Variants in DPP6 observed in about 807,000 individuals in gnomAD.
DPP6 encodes the protein A-type potassium channel modulatory protein DPP6.
DPP6 carries 69 observed loss-of-function variants against 122.6 expected under a neutral mutation model. The observed-to-expected ratio is 0.56, with a 90% CI of 0.46 to 0.69. The LOEUF (loss-of-function observed/expected upper bound fraction) is 0.69, where lower values mean the gene tolerates loss of function less well. DPP6 is among the 30% of genes least tolerant of loss of function. DPP6 has a pLI of 0.00. For synonymous variants in DPP6, 418 were observed against 433.1 expected (o/e 0.97, Z 0.43); for missense variants, 928 against 1,116.9 (o/e 0.83, Z 2.41).
intron 1 of DPP6, among the ~76,000 whole-genome samples, chr7:154,405,029 ATG>A (rs3056541): frequency 0.045 from 6,854 of 152,318 alleles, 249 homozygotes; most frequent in East Asian, 0.13. Context: ...CTACATAAAT[ATG>A]TGTGTGTACA....
intron 5 of DPP6, among the ~76,000 whole-genome samples, chr7:154,625,712 C>T (rs1217150677): frequency 6.6e-6 from 1 of 152,208 alleles, no homozygotes; most frequent in Non-Finnish European, 1.5e-5. Context: ...CTGCTGCGGG[C>T]AGGGTGTGTG....
rs536821394 is a variant in DPP6, at chr7:154,614,034, G to A, written c.628-23787G>A. ...GGCCTCTTGAGAGCCACTCTCCAGC[G>A]GCAGCACGGCCAGCCTCTGTGCCTC... is the stretch of plus-strand genomic sequence containing the variant. On this transcript the variant is annotated intron_variant, in intron 5 of 25. Transcript: ENST00000377770. 1.2e-3 allele frequency among the ~76,000 whole-genome samples: 181 copies of A among 152,264 alleles called. 1 individual carries two copies. Among genetic ancestry groups the A allele is most frequent in the Non-Finnish European group, 2.0e-3 (139 of 68,026 alleles).
intron 1 of DPP6, among the ~76,000 whole-genome samples, chr7:154,155,075 T>G (rs1796614246): frequency 6.6e-6 from 1 of 152,118 alleles, no homozygotes; most frequent in Non-Finnish European, 1.5e-5. Flanking sequence ...AGGCAGGGCT[T>G]CGTCCAAGTT....
chr7:153,848,326 C>G, the DPP6 span, among the ~76,000 whole-genome samples: 3 of 144,204 alleles, frequency 2.1e-5, no homozygotes, highest in Non-Finnish European at 4.5e-5. Flanking sequence ...TGATTAAAGG[C>G]CAGGTTCTAA....
chr7:154,693,132 AG>A (rs1840027832), intron 7 of DPP6, among the ~76,000 whole-genome samples: 1 of 151,380 alleles, frequency 6.6e-6, no homozygotes, highest in East Asian at 1.9e-4. Flanking sequence ...CTACTTGACC[AG>A]AGGTCTTTTT....
intron 1 of DPP6, among the ~76,000 whole-genome samples, chr7:153,935,740 C>A (rs1221671631): frequency 3.9e-5 from 6 of 152,230 alleles, no homozygotes; most frequent in African/African-American, 1.4e-4. Context: ...CCCCAATCTG[C>A]AGACTTCCCC....
At chr7:154,186,782 TATTC>T (rs1254632917) in intron 1 of DPP6, among the ~76,000 whole-genome samples, 1 of 152,254 alleles carries the variant, frequency 6.6e-6, no homozygotes, top group Non-Finnish European at 1.5e-5. Context: ...AATTCTGAAT[TATTC>T]ATTCTGTTTT....
chr7:154,704,101 A>G (rs1840689702), intron 7 of DPP6, among the ~76,000 whole-genome samples: 1 of 152,246 alleles, frequency 6.6e-6, no homozygotes, highest in African/African-American at 2.4e-5. Flanking sequence ...CAAAATATCA[A>G]CATTACCAGG....
At chr7:154,154,248 C>A (rs1278966521) in intron 1 of DPP6, among the ~76,000 whole-genome samples, 1 of 152,234 alleles carries the variant, frequency 6.6e-6, no homozygotes, top group African/African-American at 2.4e-5. Context: ...TCACTGAAAT[C>A]GTTTTGAACT....
chr7:154,446,285 C>T lies in DPP6; in HGVS notation c.315C>T (p.Val105=), dbSNP rs1819863033. The T allele has an allele frequency of 1.2e-6, 2 of 1,612,614 alleles. No individual in the cohort carries two copies. The highest frequency in any genetic ancestry group is 8.5e-7 in the Non-Finnish European group (1 of 1,179,180). Residue 105 remains valine (V), a synonymous_variant, in exon 2 of 26, where the codon GTC becomes GTT. Coordinates refer to ENST00000377770, the MANE Select transcript of DPP6 (RefSeq NM_130797.4). ...CAATTGCACTGCTTGTCATTCTGGT[C>T]ATCTGCTCCTTGATCGTCACCTCGG... ...GIAIALLVIL[V]ICSLIVTSVI...
intron 8 of DPP6, among the ~76,000 whole-genome samples, chr7:154,749,537 G>A (rs1242344358): frequency 7.8e-6 from 1 of 127,806 alleles, no homozygotes; most frequent in African/African-American, 3.3e-5. Flanking sequence ...GCATAGGACG[G>A]GAGAGAGAGG....
At chr7:154,442,389 A>G (rs978293697) in intron 1 of DPP6, among the ~76,000 whole-genome samples, 1 of 152,198 alleles carries the variant, frequency 6.6e-6, no homozygotes, top group Non-Finnish European at 1.5e-5. Context: ...GTCCAGGGGG[A>G]AAGAATAATG....
chr7:154,887,751 C>T lies in DPP6; in HGVS notation c.2304+17C>T. 5 of 1,613,394 alleles carry T rather than the reference C, an allele frequency of 3.1e-6. No homozygotes were observed. Among genetic ancestry groups the T allele is most frequent in the Non-Finnish European group, 4.2e-6 (5 of 1,179,366 alleles). On this transcript the variant is annotated intron_variant, in intron 23 of 25. Coordinates refer to ENST00000377770, the MANE Select transcript of DPP6 (RefSeq NM_130797.4). ...GCATACGAGGTGTGTATGGGCACAA[C>T]TAGAGAATGTGATGAGACCAGTCAG...
At chr7:154,191,125 G>A (rs112102642) in intron 1 of DPP6, among the ~76,000 whole-genome samples, 4,827 of 152,250 alleles carry the variant, frequency 0.032, 130 homozygotes, top group African/African-American at 0.066. Flanking sequence ...AGTAATTTGC[G>A]AGGTTGAGAT....
At chr7:154,118,234 C>T (rs1389857787) in intron 1 of DPP6, among the ~76,000 whole-genome samples, 1 of 150,736 alleles carries the variant, frequency 6.6e-6, no homozygotes, top group African/African-American at 2.5e-5. Context: ...TGTAGTCAAG[C>T]AACTGTATAT....
intron 1 of DPP6, among the ~76,000 whole-genome samples, chr7:154,067,921 TGTTTGTTTG>T (rs1802854959): frequency 1.5e-5 from 2 of 135,650 alleles, no homozygotes; most frequent in African/African-American, 7.6e-5. Context: ...TTTTTTTGTT[TGTTTGTTTG>T]TTTGTTTTTT....
At chr7:154,213,625 G>A (rs1799850999) in intron 1 of DPP6, among the ~76,000 whole-genome samples, 1 of 152,208 alleles carries the variant, frequency 6.6e-6, no homozygotes, top group South Asian at 2.1e-4. Flanking sequence ...GCCAGAAGAT[G>A]AGCATTCTGT....
intron 10 of DPP6, among the ~76,000 whole-genome samples, chr7:154,789,727 CAGCAAA>C (rs1159381424): frequency 6.6e-6 from 1 of 152,182 alleles, no homozygotes; most frequent in East Asian, 1.9e-4. Flanking sequence ...TCCCTTCCAG[CAGCAAA>C]AGTGTGACTA....
At chr7:154,709,262 C>T (rs1232662422) in intron 7 of DPP6, among the ~76,000 whole-genome samples, 1 of 152,232 alleles carries the variant, frequency 6.6e-6, no homozygotes, top group Non-Finnish European at 1.5e-5. Context: ...TCACTGCAGT[C>T]TTGACCTGCT....
Sources: allele counts gnomAD v4.1 joint callset (sites outside exome capture counted in the v4.1 genomes callset), GRCh38; gene constraint gnomAD v4.1.1; transcripts MANE v1.5; gene names NCBI Gene and HGNC (gene_info 2026-07-23, HGNC 2026-07-21).